Variants in ALDH8A1 observed in about 807,000 individuals in gnomAD.
ALDH8A1 encodes the protein 2-aminomuconic semialdehyde dehydrogenase.
Under a neutral mutation model 43.3 loss-of-function variants are expected in ALDH8A1, and 39 were observed. The ratio of observed to expected loss-of-function variants is 0.90; its 90% CI spans 0.70 to 1.18. The LOEUF (loss-of-function observed/expected upper bound fraction) is 1.18, where lower values mean the gene tolerates loss of function less well. Among genes scored for constraint, ALDH8A1 ranks in the 50% most tolerant of loss-of-function variants. ALDH8A1 has a pLI of 0.00. For synonymous variants in ALDH8A1, 233 were observed against 243.5 expected (o/e 0.96, Z 0.40); for missense variants, 605 against 622.6 (o/e 0.97, Z 0.30).
At chr6:134,921,256 T>C (rs1397323582) in intron 6 of ALDH8A1, among the ~76,000 whole-genome samples, 6 of 152,150 alleles carry the variant, frequency 3.9e-5, no homozygotes, top group Admixed American at 1.3e-4. Flanking sequence ...AGCCTGGCCC[T>C]AGCAGGGGAT....
At chr6:134,923,851 T>C (rs915165258) in intron 6 of ALDH8A1, among the ~76,000 whole-genome samples, 4 of 152,146 alleles carry the variant, frequency 2.6e-5, no homozygotes, top group African/African-American at 9.7e-5. Context: ...GTGTATGAGA[T>C]GGGGTGACAT....
At chr6:134,925,962 C>G (rs941694693) in intron 6 of ALDH8A1, among the ~76,000 whole-genome samples, 2 of 151,904 alleles carry the variant, frequency 1.3e-5, no homozygotes, top group Non-Finnish European at 2.9e-5. Flanking sequence ...CCAGGAAGAA[C>G]AGGGAGGCCA....
At chr6:134,938,643 T>TA (rs1415999353) in intron 4 of ALDH8A1, among the ~76,000 whole-genome samples, 5 of 151,066 alleles carry the variant, frequency 3.3e-5, no homozygotes, top group Non-Finnish European at 7.4e-5. Context: ...TTATTATTAT[T>TA]TTATTTTTTA....
intron 6 of ALDH8A1, among the ~76,000 whole-genome samples, chr6:134,922,635 G>A (rs1312757150): frequency 3.9e-5 from 6 of 151,974 alleles, no homozygotes; most frequent in African/African-American, 1.5e-4. Flanking sequence ...TGATCCACCC[G>A]CCTCAGCCAC....
rs1164681790 is a variant in ALDH8A1 at position 134,931,094 on chromosome 6, C to T, written c.849+1682G>A. ...TGCTTTATTTATTTTGCCTAAAATC[C>T]ATTTGTGACCTTGGATTAGCCAATT... On this transcript the variant is annotated intron_variant, in intron 5 of 6. Coordinates refer to ENST00000265605, the MANE Select transcript of ALDH8A1 (RefSeq NM_022568.4). Among the ~76,000 whole-genome samples, 6 of 152,094 alleles carry T rather than the reference C, an allele frequency of 3.9e-5. No homozygotes were observed. The South Asian group carries it at 1.2e-3, about 32-fold the overall frequency.
At chr6:134,924,229 A>G (rs1399145037) in intron 6 of ALDH8A1, among the ~76,000 whole-genome samples, 2 of 152,316 alleles carry the variant, frequency 1.3e-5, no homozygotes, top group East Asian at 3.9e-4. Context: ...TGCTACCGGG[A>G]CATGCACTTG....
At position 134,932,799 on chromosome 6, in the gene ALDH8A1, C is replaced by G; in HGVS notation, c.826G>C (p.Val276Leu). 6.2e-7 allele frequency: 1 copy of G among 1,614,138 alleles called. No homozygotes were observed. The highest frequency in any genetic ancestry group is 8.5e-7 in the Non-Finnish European group (1 of 1,179,998). ...ANLDECIPAT[V>L]RSSFANQGEI... Reference sequence around the variant, plus strand: ...ACCTGGTTGGCAAAGCTGGACCTGACGGTTGCCGGAATGCACTCATCCAGG... The same window carrying G: ...ACCTGGTTGGCAAAGCTGGACCTGAGGGTTGCCGGAATGCACTCATCCAGG... Residue 276 changes from valine to leucine, a missense_variant, in exon 5 of 7, where the codon GTC becomes CTC. Coordinates refer to ENST00000265605, the MANE Select transcript of ALDH8A1 (RefSeq NM_022568.4).
In ALDH8A1 at chr6:134,929,132, G is replaced by T. The variant is rs754433783; in HGVS notation, c.933C>A (p.Thr311=). The T allele has an allele frequency of 6.2e-7, 1 of 1,614,144 alleles. No homozygotes were observed. The highest frequency in any genetic ancestry group is 1.1e-5 in the South Asian group (1 of 91,078). ...SEFLKRFVEA[T]RKWKVGIPSD... ...AGGGAATGCCGACTTTCCACTTTCT[G>T]GTAGCTTCTACAAATCTCTTTAAAA... The change falls in exon 6 of 7, where the codon ACC becomes ACA. Residue 311 remains threonine (T), a synonymous_variant. Coordinates refer to ENST00000265605, the MANE Select transcript of ALDH8A1 (RefSeq NM_022568.4).
intron 6 of ALDH8A1, among the ~76,000 whole-genome samples, chr6:134,921,635 T>C (rs1776801022): frequency 2.0e-5 from 3 of 152,212 alleles, no homozygotes; most frequent in South Asian, 2.1e-4. Context: ...ACCAAAGGCA[T>C]CGCCACCTAT....
Position 134,931,658 on chromosome 6 carries a change from G to A in ALDH8A1, c.849+1118C>T, listed in dbSNP as rs186246022. On this transcript the variant is annotated intron_variant, in intron 5 of 6. Transcript: ENST00000265605. ...CCCTCTGTTGTTGTCTGTAAGCCATGAAAACACTTGGTTTAAATGTTCACC... is the reference window on the plus strand; with the variant it reads ...CCCTCTGTTGTTGTCTGTAAGCCATAAAAACACTTGGTTTAAATGTTCACC... 1.2e-3 allele frequency among the ~76,000 whole-genome samples: 179 copies of A among 152,316 alleles called. 1 individual carries two copies. The highest frequency in any genetic ancestry group is 9.0e-3 in the Admixed American group (138 of 15,308).
At chr6:134,938,957 A>AT (rs1281248500) in intron 4 of ALDH8A1, among the ~76,000 whole-genome samples, 3 of 152,048 alleles carry the variant, frequency 2.0e-5, no homozygotes, top group Non-Finnish European at 4.4e-5. Context: ...CCAACTTAAG[A>AT]TTTTAATTGA....
rs999768786 is a variant in ALDH8A1 at position 134,918,361 on chromosome 6, C to A, written c.*54G>T. 5.2e-6 allele frequency: 8 copies of A among 1,537,938 alleles called. No individual in the cohort carries two copies. The African/African-American group carries it at 1.1e-4, about 21-fold the overall frequency. Reference sequence around the variant, plus strand: ...CATGATTTTCATCTACCACATTGAACAACTGATGCCTGCAGCCAGGCATTG... The same window carrying A: ...CATGATTTTCATCTACCACATTGAAAAACTGATGCCTGCAGCCAGGCATTG... On this transcript the variant is annotated 3_prime_UTR_variant, in exon 7 of 7. Coordinates refer to ENST00000265605, the MANE Select transcript of ALDH8A1 (RefSeq NM_022568.4).
chr6:134,936,433 T>C (rs948846847), intron 4 of ALDH8A1, among the ~76,000 whole-genome samples: 1 of 152,182 alleles, frequency 6.6e-6, no homozygotes, highest in Admixed American at 6.5e-5. Flanking sequence ...CAGTAGGTGA[T>C]GCGACGAAAC....
At chr6:134,922,996 A>G (rs76150023) in intron 6 of ALDH8A1, among the ~76,000 whole-genome samples, 5,196 of 152,210 alleles carry the variant, frequency 0.034, 269 homozygotes, top group African/African-American at 0.12. Context: ...TCTTTGAAAC[A>G]TTCTATAAAT....
chr6:134,941,004 G>A, intron 3 of ALDH8A1, among the ~76,000 whole-genome samples: 1 of 152,226 alleles, frequency 6.6e-6, no homozygotes, highest in Non-Finnish European at 1.5e-5. Context: ...CTAAAAAGAT[G>A]ATTTTTTTCT....
At chr6:134,918,899 C>T in intron 6 of ALDH8A1, 32 bp from the exon 7 acceptor site, 1 of 1,598,022 alleles carries the variant, frequency 6.3e-7, no homozygotes, top group Non-Finnish European at 8.6e-7. Context: ...TTAGCAATGT[C>T]TTACCATGTG....
chr6:134,943,903 C>A lies in ALDH8A1; in HGVS notation c.202G>T (p.Glu68Ter). The change falls in exon 2 of 7, where the codon GAG (glutamate) becomes TAG (stop). Residue 68 changes from glutamate to a stop codon, truncating the protein, a stop_gained. Transcript: ENST00000265605. LOFTEE classifies it high-confidence loss of function. ...FPSWSSRSPQ[E>*]RSRVLNQVAD... is the part of the protein sequence containing the mutation. ...ACCTGGTTCAGGACCCGTGAGCGCT[C>A]CTGGGGGCTGCGGGATGACCAGCTG... 6.2e-7 allele frequency: 1 copy of A among 1,614,218 alleles called. No homozygotes were observed. Among genetic ancestry groups the A allele is most frequent in the Non-Finnish European group, 8.5e-7 (1 of 1,180,044 alleles).
intron 1 of ALDH8A1, among the ~76,000 whole-genome samples, chr6:134,945,534 C>A (rs566836703): frequency 5.1e-4 from 78 of 152,326 alleles, no homozygotes; most frequent in African/African-American, 1.7e-3. Context: ...CTGCCTTTCT[C>A]TTCTCTCCGG....
chr6:134,930,385 C>T (rs529264134), intron 5 of ALDH8A1, among the ~76,000 whole-genome samples: 5 of 152,282 alleles, frequency 3.3e-5, no homozygotes, highest in Admixed American at 3.3e-4. Flanking sequence ...ATAACCCTAT[C>T]ATTTGAACAT....
Sources: gnomAD v4.1 joint callset for allele counts (sites outside exome capture counted in the v4.1 genomes callset) on GRCh38, gnomAD v4.1.1 for gene constraint, MANE v1.5 for transcripts, NCBI Gene and HGNC (gene_info 2026-07-23, HGNC 2026-07-21) for gene names.